The following OCRL variants were observed in gnomAD, a reference collection of about 807,000 sequenced individuals.
The protein encoded by OCRL is OCRL inositol polyphosphate-5-phosphatase.
OCRL carries 8 observed loss-of-function variants against 78.9 expected under a neutral mutation model. The observed-to-expected ratio is 0.10, with a 90% confidence interval of 0.06 to 0.18. The LOEUF is 0.18. OCRL is among the 10% of genes least tolerant of loss of function. The pLI is 1.00. For synonymous variants in OCRL, 240 were observed against 235.4 expected (o/e 1.02, Z -0.18); for missense variants, 454 against 696.7 (o/e 0.65, Z 3.92).
At chrX:129,586,943 TA>T in intron 19 of OCRL, 58 bp from the exon 20 acceptor site, 1 of 764,952 alleles carries the variant, frequency 1.3e-6, no homozygotes, top group Middle Eastern at 2.8e-4. Flanking sequence ...GACTTTAAGT[TA>T]TACACCAAAG....
chrX:129,575,521 C>T (rs752131126), intron 16 of OCRL: 34 of 387,737 alleles, frequency 8.8e-5, no homozygotes, highest in Admixed American at 4.5e-5. Flanking sequence ...GAACAGCACC[C>T]GGCACATAGT....
At position 129,555,781 on chromosome X, in the gene OCRL, TTG is replaced by T. The variant is rs1036844429; in HGVS notation, c.239-1538_239-1537del. 3.6e-5 allele frequency among the ~76,000 whole-genome samples: 4 copies of T among 112,529 alleles called. No individual in the cohort carries two copies. The East Asian group carries it at 8.4e-4, about 24-fold the overall frequency. On this transcript the variant is annotated intron_variant, in intron 4 of 23. Transcript: ENST00000371113. ...TTTGCTAAAATATGTCTTTCAAGAATTGTGTGTTTGTGTGTGTGTGAGAGATA... is the reference window on the plus strand; with the variant it reads ...TTTGCTAAAATATGTCTTTCAAGAATTGTGTTTGTGTGTGTGTGAGAGATA...
chrX:129,571,796 T>TA (rs1031839318), intron 15 of OCRL, among the ~76,000 whole-genome samples: 2 of 111,707 alleles, frequency 1.8e-5, no homozygotes, highest in African/African-American at 3.3e-5. Context: ...CAAGTGCTTT[T>TA]AAAAAAATTA....
At chrX:129,579,134 G>C (rs1936409653) in intron 18 of OCRL, among the ~76,000 whole-genome samples, 1 of 111,387 alleles carries the variant, frequency 9.0e-6, no homozygotes, top group African/African-American at 3.3e-5. Flanking sequence ...CATTTCCTTT[G>C]ATCATCATGA....
intron 12 of OCRL, among the ~76,000 whole-genome samples, chrX:129,564,095 A>G (rs1208913082): frequency 1.8e-5 from 2 of 110,786 alleles, no homozygotes; most frequent in Non-Finnish European, 3.8e-5. Context: ...GAAGACATTT[A>G]TGCAGCCAAA....
At chrX:129,553,656 A>G (rs1005596826) in intron 4 of OCRL, among the ~76,000 whole-genome samples, 5 of 112,044 alleles carry the variant, frequency 4.5e-5, no homozygotes, top group Non-Finnish European at 9.4e-5. Context: ...TGAGATGAGT[A>G]CAAATACAGA....
chrX:129,575,715 C>G, intron 16 of OCRL, 182 bp from the exon 17 acceptor site: 1 of 496,271 alleles, frequency 2.0e-6, no homozygotes, highest in Non-Finnish European at 3.5e-6. Context: ...TCCTTCTCTG[C>G]TGGTGTGAGT....
At chrX:129,545,563 CCTCA>C (rs1398830284) in intron 3 of OCRL, among the ~76,000 whole-genome samples, 1 of 112,012 alleles carries the variant, frequency 8.9e-6, no homozygotes, top group Middle Eastern at 4.2e-3. Flanking sequence ...GGCCTCCTGC[CCTCA>C]AATTTGGGGA....
intron 12 of OCRL, among the ~76,000 whole-genome samples, chrX:129,564,387 C>G (rs1248064957): frequency 9.1e-6 from 1 of 110,377 alleles, no homozygotes; most frequent in Non-Finnish European, 1.9e-5. Flanking sequence ...ACCCAAAGGA[C>G]TATAAATCAT....
chrX:129,581,831 T>C (rs866122128), intron 18 of OCRL, among the ~76,000 whole-genome samples: 3 of 65,615 alleles, frequency 4.6e-5, no homozygotes, highest in African/African-American at 1.7e-4. Flanking sequence ...CCCTTTGTCT[T>C]TCTCTCTCTC....
At chrX:129,576,294 A>T (rs1194151604) in intron 17 of OCRL, 23 bp from the exon 18 acceptor site, 1 of 1,159,049 alleles carries the variant, frequency 8.6e-7, no homozygotes, top group East Asian at 3.0e-5. Flanking sequence ...TCCTATTACC[A>T]TGTATCATCT....
intron 5 of OCRL, among the ~76,000 whole-genome samples, chrX:129,557,637 G>C (rs777224595): frequency 9.0e-6 from 1 of 111,193 alleles, no homozygotes; most frequent in East Asian, 2.8e-4. Flanking sequence ...CAAGTTTTCA[G>C]AATATTCAGT....
At chrX:129,551,323 G>A (rs941344624) in intron 4 of OCRL, among the ~76,000 whole-genome samples, 1 of 111,997 alleles carries the variant, frequency 8.9e-6, no homozygotes, top group Non-Finnish European at 1.9e-5. Context: ...TTATGTGCCA[G>A]GAACTACACT....
chrX:129,568,335 TTTC>T (rs757730168), intron 14 of OCRL, among the ~76,000 whole-genome samples: 1 of 112,267 alleles, frequency 8.9e-6, no homozygotes, highest in Admixed American at 9.4e-5. Context: ...TTCTTTTTCT[TTTC>T]TTCTTTTTCT....
At chrX:129,554,998 AAT>A (rs1936020642) in intron 4 of OCRL, among the ~76,000 whole-genome samples, 2 of 99,903 alleles carry the variant, frequency 2.0e-5, no homozygotes, top group African/African-American at 7.5e-5. Flanking sequence ...TAAATAAATA[AAT>A]AAAAATAAGA....
intron 4 of OCRL, among the ~76,000 whole-genome samples, chrX:129,549,391 C>T (rs1935930126): frequency 8.9e-6 from 1 of 112,386 alleles, no homozygotes; most frequent in African/African-American, 3.2e-5. Flanking sequence ...TGGTTGAGTC[C>T]TTGGATGAGT....
At chrX:129,557,527 T>C in intron 5 of OCRL, 92 bp downstream of exon 5, 1 of 782,076 alleles carries the variant, frequency 1.3e-6, no homozygotes, top group East Asian at 3.2e-5. Flanking sequence ...ATTGGCAAAA[T>C]ACCTCACCCT....
chrX:129,546,951 G>C (rs192634023), intron 3 of OCRL, among the ~76,000 whole-genome samples: 1 of 111,444 alleles, frequency 9.0e-6, no homozygotes, highest in Non-Finnish European at 1.9e-5. Context: ...AGGCGCGATG[G>C]CTTGCACCTG....
intron 2 of OCRL, among the ~76,000 whole-genome samples, chrX:129,541,698 T>C (rs754686748): frequency 1.8e-5 from 2 of 112,294 alleles, no homozygotes; most frequent in Non-Finnish European, 3.8e-5. Flanking sequence ...CTTCCCAGTT[T>C]AAAAATTGTT....
Sources: allele counts gnomAD v4.1 joint callset (sites outside exome capture counted in the v4.1 genomes callset), GRCh38; gene constraint gnomAD v4.1.1; transcripts MANE v1.5; gene names NCBI Gene and HGNC (gene_info 2026-07-23, HGNC 2026-07-21).